APBB2: variants seen among roughly 807,000 people sequenced by gnomAD.
APBB2 encodes the protein amyloid beta precursor protein binding family B member 2.
In APBB2, 38 loss-of-function variants were observed where a neutral mutation model predicts 82.5. That is an observed-to-expected ratio of 0.46 (90% confidence interval 0.36 to 0.60). The LOEUF is 0.60. APBB2 is among the 20% of genes least tolerant of loss of function. The pLI is 0.00. For missense variants in APBB2, 772 were observed against 972.3 expected (o/e 0.79, Z 2.74); for synonymous variants, 341 against 368.2 (o/e 0.93, Z 0.85).
chr4:40,903,405 T>C (rs1469055408), intron 10 of APBB2, among the ~76,000 whole-genome samples: 1 of 152,170 alleles, frequency 6.6e-6, no homozygotes, highest in East Asian at 1.9e-4. Flanking sequence ...AGGCAGAGGT[T>C]GCAGTGAGCC....
rs1757859505 is a variant in APBB2, at chr4:41,137,333, C to T, written c.-261+5654G>A. 2.6e-5 allele frequency among the ~76,000 whole-genome samples: 4 copies of T among 150,984 alleles called. No individual in the cohort carries two copies. The South Asian group carries it at 8.4e-4, about 32-fold the overall frequency. ...AATGAAAAACTTAATCTTTTTTTTT[C>T]CAAATGCAGAACAGGTATAAAAATG... is the stretch of plus-strand genomic sequence containing the variant. On this transcript the variant is annotated intron_variant, in intron 2 of 17. Coordinates refer to ENST00000508593, the MANE Select transcript of APBB2 (RefSeq NM_004307.2).
chr4:40,880,312 C>T, intron 12 of APBB2: 17 of 985,442 alleles, frequency 1.7e-5, no homozygotes, highest in Non-Finnish European at 1.8e-5. Context: ...CAGTGACGAA[C>T]TGTGCTGCAC....
At chr4:41,174,509 C>T (rs559034074) in intron 1 of APBB2, among the ~76,000 whole-genome samples, 49 of 152,290 alleles carry the variant, frequency 3.2e-4, no homozygotes, top group African/African-American at 1.1e-3. Flanking sequence ...GAGCACAAGA[C>T]TACTCAATGT....
At chr4:40,922,983 T>C (rs952039114) in intron 10 of APBB2, among the ~76,000 whole-genome samples, 3 of 151,078 alleles carry the variant, frequency 2.0e-5, no homozygotes, top group African/African-American at 7.3e-5. Flanking sequence ...TTTTTTCTTT[T>C]TTTTTTTTTG....
chr4:40,900,507 G>A (rs1186632378), intron 10 of APBB2, among the ~76,000 whole-genome samples: 1 of 149,616 alleles, frequency 6.7e-6, no homozygotes, highest in Non-Finnish European at 1.5e-5. Context: ...CCAGGCTGGA[G>A]TGCAGTGGCA....
intron 4 of APBB2, among the ~76,000 whole-genome samples, chr4:41,039,784 CAGG>C (rs1384213721): frequency 6.1e-5 from 9 of 148,420 alleles, no homozygotes; most frequent in Non-Finnish European, 1.0e-4. Context: ...TGGTTGAGCC[CAGG>C]AGTTCAGTGC....
chr4:40,948,556 T>G (rs1254933965), intron 6 of APBB2, among the ~76,000 whole-genome samples: 1 of 150,022 alleles, frequency 6.7e-6, no homozygotes, highest in Admixed American at 6.6e-5. Context: ...AGGTCAGGAG[T>G]TCAAGACCAC....
At chr4:40,935,357 C>T (rs1785140324) in intron 7 of APBB2, 2 of 502,378 alleles carry the variant, frequency 4.0e-6, no homozygotes, top group Non-Finnish European at 6.9e-6. Flanking sequence ...GCTTTAATTA[C>T]TTACCAAATA....
intron 7 of APBB2, among the ~76,000 whole-genome samples, chr4:40,938,906 T>C (rs1786086158): frequency 6.6e-6 from 1 of 152,190 alleles, no homozygotes; most frequent in Non-Finnish European, 1.5e-5. Context: ...GTGGGGCCTT[T>C]AAGAGGCGCT....
At chr4:40,900,911 GACAA>G (rs1775096475) in intron 10 of APBB2, among the ~76,000 whole-genome samples, 1 of 152,070 alleles carries the variant, frequency 6.6e-6, no homozygotes, top group Non-Finnish European at 1.5e-5. Context: ...TTATCAATGG[GACAA>G]ACAGACCAAA....
intron 10 of APBB2, among the ~76,000 whole-genome samples, chr4:40,896,108 C>T (rs186562750): frequency 4.6e-4 from 70 of 152,080 alleles, no homozygotes; most frequent in Admixed American, 7.9e-4. Context: ...TCTGTCACCC[C>T]GGCTGGAGTG....
intron 10 of APBB2, among the ~76,000 whole-genome samples, chr4:40,905,329 G>A (rs60021630): frequency 0.12 from 18,964 of 152,122 alleles, 1,339 homozygotes; most frequent in Admixed American, 0.2. Flanking sequence ...AACACCCAGC[G>A]CACACGCAAT....
chr4:41,146,617 A>G (rs1334617497), intron 1 of APBB2, among the ~76,000 whole-genome samples: 1 of 152,186 alleles, frequency 6.6e-6, no homozygotes, highest in East Asian at 1.9e-4. Context: ...CTTCAAGATT[A>G]TTTCTTTGAA....
At chr4:41,041,067 A>G (rs1721233093) in intron 4 of APBB2, among the ~76,000 whole-genome samples, 1 of 151,950 alleles carries the variant, frequency 6.6e-6, no homozygotes, top group Admixed American at 6.6e-5. Context: ...TTTTTAGTAG[A>G]GACAGGGTTT....
chr4:41,194,835 A>C, intron 1 of APBB2, among the ~76,000 whole-genome samples: 1 of 151,424 alleles, frequency 6.6e-6, no homozygotes. Flanking sequence ...ATACTCACTC[A>C]CTCGTTTTTC....
intron 17 of APBB2, among the ~76,000 whole-genome samples, chr4:40,817,043 T>G (rs1351540610): frequency 1.3e-5 from 2 of 152,222 alleles, no homozygotes; most frequent in African/African-American, 2.4e-5. Context: ...GGAAGATAAC[T>G]AATTCTTTAA....
At chr4:41,183,877 C>G (rs2154065681) in intron 1 of APBB2, among the ~76,000 whole-genome samples, 1 of 152,138 alleles carries the variant, frequency 6.6e-6, no homozygotes, top group Admixed American at 6.5e-5. Context: ...AAGCGCACTA[C>G]AGTTATTGTG....
chr4:40,928,340 C>G (rs1298121580), intron 10 of APBB2, among the ~76,000 whole-genome samples: 1 of 145,276 alleles, frequency 6.9e-6, no homozygotes, highest in African/African-American at 2.6e-5. Context: ...GTCAGGAGTT[C>G]AAGACCAGCA....
rs558015721 is a variant in APBB2, at chr4:40,931,356, G to T, written c.1254+3100C>A. ...AGCAGTGCCTCGATTATGGCTCACTGCGGCCTTTACCTCCCAGGCTCCTCC... is the reference window on the plus strand; with the variant it reads ...AGCAGTGCCTCGATTATGGCTCACTTCGGCCTTTACCTCCCAGGCTCCTCC... On this transcript the variant is annotated intron_variant, in intron 10 of 17. Transcript: ENST00000508593. Among the ~76,000 whole-genome samples, 6 of 152,254 alleles carry T rather than the reference G, an allele frequency of 3.9e-5. No homozygotes were observed. In the South Asian group the frequency reaches 1.2e-3, roughly 32 times the overall value.
Sources: allele counts gnomAD v4.1 joint callset (sites outside exome capture counted in the v4.1 genomes callset), GRCh38; gene constraint gnomAD v4.1.1; transcripts MANE v1.5; gene names NCBI Gene and HGNC (gene_info 2026-07-23, HGNC 2026-07-21).